TENM4: variants seen among roughly 807,000 people sequenced by gnomAD.
TENM4 encodes teneurin-4.
Under a neutral mutation model 243.3 loss-of-function variants are expected in TENM4, and 82 were observed. The ratio of observed to expected loss-of-function variants is 0.34; its 90% CI spans 0.28 to 0.40. The LOEUF is 0.40. Ranked by LOEUF, TENM4 falls within the 10% of genes least tolerant of loss-of-function variation. The probability of loss-of-function intolerance (pLI) is 1.00; values close to 1 mark genes in which losing one functional copy is unlikely to be tolerated. For synonymous variants in TENM4, 1,412 were observed against 1,456.3 expected, an observed-to-expected ratio of 0.97 and a Z score of 0.69; for missense variants, 3,138 against 3,673.3, an observed-to-expected ratio of 0.85 and a Z score of 3.77.
intron 2 of TENM4, among the ~76,000 whole-genome samples, chr11:79,256,548 G>T (rs1050188449): frequency 2.0e-5 from 3 of 152,242 alleles, no homozygotes; most frequent in Non-Finnish European, 2.9e-5. Flanking sequence ...AAAGCAATCA[G>T]TGAGAATCTG....
At chr11:78,883,749 C>G (rs1855487751) in intron 9 of TENM4, among the ~76,000 whole-genome samples, 1 of 152,220 alleles carries the variant, frequency 6.6e-6, no homozygotes, top group South Asian at 2.1e-4. Flanking sequence ...ACAGAAGCAA[C>G]AGTTAGTGAA....
rs369197845 is a variant in TENM4 at position 79,164,957 on chromosome 11, A to ATG, written c.-162-16153_-162-16152dup. Among the ~76,000 whole-genome samples the ATG allele has an allele frequency of 6.1e-3, 851 of 139,904 alleles. 2 individuals are homozygous for ATG. The highest frequency in any genetic ancestry group is 9.0e-3 in the East Asian group (42 of 4,668). The allele number at this position is 139,904 out of a possible 152,430, so 91.8% of individuals were successfully genotyped here. ...GAAAATGGACTAATACTATATATATATGTGTGTGTGTGTGTGTGTGTGTGT... is the reference window on the plus strand; with the variant it reads ...GAAAATGGACTAATACTATATATATATGTGTGTGTGTGTGTGTGTGTGTGTGT... On this transcript the variant is annotated intron_variant, in intron 3 of 33. Coordinates refer to ENST00000278550, the MANE Select transcript of TENM4 (RefSeq NM_001098816.3).
At chr11:79,164,873 G>T (rs931283422) in intron 3 of TENM4, among the ~76,000 whole-genome samples, 4 of 151,280 alleles carry the variant, frequency 2.6e-5, no homozygotes, top group Non-Finnish European at 5.9e-5. Context: ...CATGTGGAAC[G>T]GTAAGTCCAA....
At chr11:79,437,670 C>T (rs986663245) in intron 1 of TENM4, among the ~76,000 whole-genome samples, 5 of 152,190 alleles carry the variant, frequency 3.3e-5, no homozygotes, top group African/African-American at 1.2e-4. Flanking sequence ...GGAGGCGGGC[C>T]ACGAGGGGCT....
intron 2 of TENM4, chr11:79,221,019 C>T (rs1246519478): frequency 1.3e-5 from 2 of 152,134 alleles, no homozygotes; most frequent in South Asian, 2.1e-4. Flanking sequence ...TAATCCAAGC[C>T]GATTATATGT....
At chr11:78,777,199 T>C (rs957133214) in intron 17 of TENM4, among the ~76,000 whole-genome samples, 1 of 152,190 alleles carries the variant, frequency 6.6e-6, no homozygotes, top group South Asian at 2.1e-4. Flanking sequence ...AAATGCCTGT[T>C]TTTAAAGAGG....
At chr11:78,703,778 C>T (rs1859163584) in intron 27 of TENM4, among the ~76,000 whole-genome samples, 1 of 151,908 alleles carries the variant, frequency 6.6e-6, no homozygotes, top group African/African-American at 2.4e-5. Context: ...TTCCTGAGCC[C>T]CCTACAAACC....
intron 4 of TENM4, among the ~76,000 whole-genome samples, chr11:79,092,480 A>G (rs909480368): frequency 3.9e-5 from 6 of 152,238 alleles, no homozygotes; most frequent in Non-Finnish European, 5.9e-5. Context: ...GTCCCCCATC[A>G]CATCCTGGCC....
intron 6 of TENM4, among the ~76,000 whole-genome samples, chr11:79,055,784 C>T (rs886845518): frequency 2.0e-5 from 3 of 152,156 alleles, no homozygotes; most frequent in Non-Finnish European, 4.4e-5. Flanking sequence ...TCCTAAGTAG[C>T]TGAGTTGGGA....
At chr11:78,719,151 G>A (rs956409650) in intron 25 of TENM4, among the ~76,000 whole-genome samples, 1 of 152,074 alleles carries the variant, frequency 6.6e-6, no homozygotes, top group African/African-American at 2.4e-5. Flanking sequence ...ATTACAACAA[G>A]ACTCCAAGGG....
chr11:79,287,226 G>A (rs1432718103), intron 2 of TENM4, among the ~76,000 whole-genome samples: 1 of 152,192 alleles, frequency 6.6e-6, no homozygotes, highest in African/African-American at 2.4e-5. Flanking sequence ...CATGGGGCAG[G>A]ATGACTTTCA....
chr11:79,268,626 C>A (rs1383732658), intron 2 of TENM4, among the ~76,000 whole-genome samples: 1 of 152,100 alleles, frequency 6.6e-6, no homozygotes, highest in Non-Finnish European at 1.5e-5. Flanking sequence ...CATTTGTGGA[C>A]CATGCATAAA....
At chr11:79,192,159 T>C (rs1260221351) in intron 3 of TENM4, among the ~76,000 whole-genome samples, 7 of 143,950 alleles carry the variant, frequency 4.9e-5, no homozygotes, top group Non-Finnish European at 7.6e-5. Context: ...GTCAGCCCCC[T>C]GCCCGGCCAG....
intron 1 of TENM4, among the ~76,000 whole-genome samples, chr11:79,304,575 T>C (rs1326343298): frequency 6.6e-6 from 1 of 152,216 alleles, no homozygotes; most frequent in Non-Finnish European, 1.5e-5. Flanking sequence ...ATTTTGTCCT[T>C]TCTCCCTCCC....
chr11:78,771,209 A>G, intron 17 of TENM4, 71 bp from the exon 18 acceptor site: 1 of 1,524,528 alleles, frequency 6.6e-7, no homozygotes, highest in Non-Finnish European at 8.9e-7. Flanking sequence ...CTAACACGCT[A>G]CCTGCCAACT....
chr11:79,013,446 C>T (rs796402550), intron 6 of TENM4, among the ~76,000 whole-genome samples: 49 of 152,328 alleles, frequency 3.2e-4, no homozygotes, highest in African/African-American at 1.1e-3. Flanking sequence ...AGCTCCTTCC[C>T]CCAACCCCCT....
intron 9 of TENM4, among the ~76,000 whole-genome samples, chr11:78,884,754 G>A (rs1425503975): frequency 2.0e-5 from 3 of 152,192 alleles, no homozygotes; most frequent in African/African-American, 7.2e-5. Context: ...TTAAAAGTGT[G>A]AGCTCAAAAG....
chr11:78,709,753 T>C (rs954745571), intron 26 of TENM4, among the ~76,000 whole-genome samples: 1 of 152,242 alleles, frequency 6.6e-6, no homozygotes, highest in African/African-American at 2.4e-5. Flanking sequence ...CAGCCTGTGA[T>C]GTGCATCACA....
intron 6 of TENM4, among the ~76,000 whole-genome samples, chr11:78,978,430 C>T (rs1176336313): frequency 6.6e-6 from 1 of 151,850 alleles, no homozygotes; most frequent in Non-Finnish European, 1.5e-5. Context: ...CCATTTAGTC[C>T]TTGCAACACT....
Sources: allele counts gnomAD v4.1 joint callset (sites outside exome capture counted in the v4.1 genomes callset), GRCh38; gene constraint gnomAD v4.1.1; transcripts MANE v1.5; gene names NCBI Gene and HGNC (gene_info 2026-07-23, HGNC 2026-07-21).